Variants in HPSE2 observed in about 807,000 individuals in gnomAD.
The protein encoded by HPSE2 is inactive heparanase-2.
A neutral mutation model predicts 60.5 loss-of-function variants in HPSE2; 38 were observed. The ratio of observed to expected loss-of-function variants is 0.63; its 90% confidence interval spans 0.48 to 0.82. The LOEUF (loss-of-function observed/expected upper bound fraction) is 0.82. Among genes scored for constraint, HPSE2 ranks in the 40% least tolerant of loss-of-function variants. The pLI is 0.00. For missense variants in HPSE2, 713 were observed against 740.4 expected (o/e 0.96, Z 0.43); for synonymous variants, 295 against 293.2 (o/e 1.01, Z -0.06).
chr10:99,212,717 T>C (rs926650114), intron 2 of HPSE2, among the ~76,000 whole-genome samples: 4 of 152,120 alleles, frequency 2.6e-5, no homozygotes, highest in African/African-American at 9.7e-5. Context: ...AGATCTACTG[T>C]ACAACATAAT....
intron 6 of HPSE2, among the ~76,000 whole-genome samples, chr10:98,691,668 G>GT: frequency 6.6e-6 from 1 of 152,108 alleles, no homozygotes; most frequent in Non-Finnish European, 1.5e-5. Context: ...TTCAGTAAAG[G>GT]GACATTATCT....
intron 9 of HPSE2, among the ~76,000 whole-genome samples, chr10:98,581,645 A>G (rs1420864013): frequency 6.6e-6 from 1 of 152,112 alleles, no homozygotes; most frequent in Non-Finnish European, 1.5e-5. Context: ...GGAATAGTCC[A>G]CCCTTGGTAC....
chr10:99,259,843 C>T, the HPSE2 span, among the ~76,000 whole-genome samples: 3,074 of 152,206 alleles, frequency 0.02, 109 homozygotes, highest in East Asian at 0.15. Context: ...TCTCATAGGA[C>T]CCTAAACCCT....
At position 98,575,555 on chromosome 10, in the gene HPSE2, C is replaced by A. The variant is rs1245659622; in HGVS notation, c.1320+39349G>T. Among the ~76,000 whole-genome samples the A allele has an allele frequency of 4.6e-5, 7 of 152,192 alleles. 1 individual carries two copies. The highest frequency in any genetic ancestry group is 8.8e-5 in the Non-Finnish European group (6 of 68,044). ...ACTATGTGCCAAGCACTATGCTAAG[C>A]ATTTCATATTTATTATTTCAATTAA... On this transcript the variant is annotated intron_variant, in intron 9 of 11. Transcript: ENST00000370552.
chr10:98,629,678 A>C (rs993411946), intron 7 of HPSE2, among the ~76,000 whole-genome samples: 12 of 152,100 alleles, frequency 7.9e-5, no homozygotes, highest in Admixed American at 5.2e-4. Context: ...CTATTTGTTA[A>C]CTTGACAAAT....
At chr10:98,889,692 A>G (rs762663248) in intron 3 of HPSE2, among the ~76,000 whole-genome samples, 4 of 152,184 alleles carry the variant, frequency 2.6e-5, no homozygotes, top group Non-Finnish European at 5.9e-5. Context: ...ATATTGGAAA[A>G]ATTACTTCAC....
chr10:98,978,636 T>G (rs1378675198), intron 3 of HPSE2, among the ~76,000 whole-genome samples: 1 of 152,194 alleles, frequency 6.6e-6, no homozygotes, highest in Non-Finnish European at 1.5e-5. Context: ...TTTACGTAGG[T>G]ATTCTGAGAA....
rs1394723282 is a variant in HPSE2, at chr10:98,767,445, C to T, written c.611-23389G>A. ...TTAAGACATACAAAATAGTACTATA[C>T]AATTTATTATGGAAATACATTATAT... On this transcript the variant is annotated intron_variant, in intron 3 of 11. Transcript: ENST00000370552. Among the ~76,000 whole-genome samples the T allele has an allele frequency of 2.7e-5, 4 of 150,654 alleles. 1 individual carries two copies. The highest frequency in any genetic ancestry group is 2.0e-4 in the Admixed American group (3 of 15,084).
intron 3 of HPSE2, among the ~76,000 whole-genome samples, chr10:99,132,241 G>GAAAGAAAGAAAGAAAGAAAGAA (rs58521993): frequency 1.0e-4 from 3 of 28,934 alleles, no homozygotes; most frequent in South Asian, 1.4e-3. Context: ...GAGAGAGAGA[G>GAAAGAAAGAAAGAAAGAAAGAA]AGAAAGAAAG....
intron 3 of HPSE2, among the ~76,000 whole-genome samples, chr10:98,842,520 TTTTTTG>T (rs1240009647): frequency 6.6e-6 from 1 of 150,926 alleles, no homozygotes; most frequent in Non-Finnish European, 1.5e-5. Context: ...CTAGTTCTTC[TTTTTTG>T]TTTTTAAGTG....
At chr10:98,793,014 A>G (rs1244019149) in intron 3 of HPSE2, among the ~76,000 whole-genome samples, 1 of 152,226 alleles carries the variant, frequency 6.6e-6, no homozygotes, top group East Asian at 1.9e-4. Context: ...TGGAATGTGA[A>G]ATTTTTCATT....
rs1309207050 is a variant in HPSE2, at chr10:98,783,030, G to A, written c.611-38974C>T. Among the ~76,000 whole-genome samples, 11 of 104,874 alleles carry A rather than the reference G, an allele frequency of 1.0e-4. No homozygotes were observed. The East Asian group carries it at 1.9e-3, about 18-fold the overall frequency. 68.8% of individuals were successfully genotyped at this position (104,874 alleles called of 152,430 possible). A position where few individuals can be genotyped will look rare whatever the true frequency, so the allele number is the denominator to read the frequency against. On this transcript the variant is annotated intron_variant, in intron 3 of 11. Transcript: ENST00000370552. ...ATGTATACATGTGCCATGCTGGTGC[G>A]CTGCACCCACTAACGTGTCATCTAG...
intron 8 of HPSE2, among the ~76,000 whole-genome samples, chr10:98,619,217 G>A (rs1174242895): frequency 1.3e-5 from 2 of 151,948 alleles, no homozygotes; most frequent in African/African-American, 4.8e-5. Context: ...CAAAGCTATG[G>A]TTCTTAGGAG....
At chr10:98,557,257 T>G (rs1228755714) in intron 9 of HPSE2, among the ~76,000 whole-genome samples, 1 of 151,606 alleles carries the variant, frequency 6.6e-6, no homozygotes, top group Non-Finnish European at 1.5e-5. Context: ...GACATCGAGG[T>G]TTTGGTGCAA....
intron 3 of HPSE2, among the ~76,000 whole-genome samples, chr10:99,140,022 C>G (rs1230789362): frequency 2.0e-5 from 3 of 152,154 alleles, no homozygotes; most frequent in Non-Finnish European, 4.4e-5. Context: ...AAATAGCACA[C>G]AATGCTACAT....
intron 3 of HPSE2, among the ~76,000 whole-genome samples, chr10:99,132,183 AAGAAAGAAAGAGAGAGAGAGAG>A (rs1564832636): frequency 4.7e-5 from 1 of 21,126 alleles, no homozygotes; most frequent in Non-Finnish European, 1.2e-4. Flanking sequence ...GAAAGAAAGA[AAGAAAGAAAGAGAGAGAGAGAG>A]AGAGAGAGAG....
chr10:98,644,973 C>A (rs1026416305), intron 6 of HPSE2, among the ~76,000 whole-genome samples: 2 of 152,144 alleles, frequency 1.3e-5, no homozygotes, highest in East Asian at 3.9e-4. Flanking sequence ...TATTTTATCT[C>A]AATAGTGCTG....
chr10:98,913,011 T>G (rs771859622), intron 3 of HPSE2, among the ~76,000 whole-genome samples: 16 of 152,196 alleles, frequency 1.1e-4, no homozygotes, highest in Non-Finnish European at 2.2e-4. Flanking sequence ...TTATTACGCA[T>G]TGCATGCCTA....
intron 2 of HPSE2, among the ~76,000 whole-genome samples, chr10:99,229,557 C>T (rs143355862): frequency 2.5e-4 from 38 of 152,288 alleles, no homozygotes; most frequent in African/African-American, 8.7e-4. Flanking sequence ...TTAGAACCTT[C>T]AGAGAAGCAA....
Sources: allele counts gnomAD v4.1 joint callset (sites outside exome capture counted in the v4.1 genomes callset), GRCh38; gene constraint gnomAD v4.1.1; transcripts MANE v1.5; gene names NCBI Gene and HGNC (gene_info 2026-07-23, HGNC 2026-07-21).